RNF207: variants seen among roughly 807,000 people sequenced by gnomAD.
RNF207 encodes ring finger protein 207.
A neutral mutation model predicts 79.0 loss-of-function variants in RNF207; 72 were observed. The ratio of observed to expected loss-of-function variants is 0.91; its 90% confidence interval spans 0.75 to 1.11. The LOEUF is 1.11. Among genes scored for constraint, RNF207 ranks in the 50% least tolerant of loss-of-function variants. The pLI is 0.00. For synonymous variants in RNF207, 348 were observed against 366.2 expected (o/e 0.95, Z 0.57); for missense variants, 936 against 855.8 (o/e 1.09, Z -1.17).
Position 6,213,133 on chromosome 1 carries a change from CACGCCCT to C in RNF207, c.1606_1612del (p.Pro536SerfsTer7). On this transcript the variant is annotated frameshift_variant, in exon 16 of 18. Transcript: ENST00000377939. LOFTEE classifies it high-confidence loss of function. ...ACCTGACCACCATCACCAAGCAGATCACGCCCTACGTCCGCTCCATTGCCAAGGTGAA... is the reference window on the plus strand; with the variant it reads ...ACCTGACCACCATCACCAAGCAGATCACGTCCGCTCCATTGCCAAGGTGAA... The C allele has an allele frequency of 6.2e-7, 1 of 1,613,380 alleles. No homozygotes were observed.
intron 17 of RNF207, 149 bp from the exon 18 acceptor site, chr1:6,219,087 C>CT: frequency 1.6e-6 from 1 of 628,602 alleles, no homozygotes; most frequent in East Asian, 2.7e-5. Context: ...AGACAAGGTC[C>CT]TTTTGGAGAC....
rs1006662567 is a variant in RNF207 at position 6,207,019 on chromosome 1, T to C, written c.191+293T>C. 1.3e-5 allele frequency among the ~76,000 whole-genome samples: 2 copies of C among 150,312 alleles called. No homozygotes were observed. The highest frequency in any genetic ancestry group is 3.0e-5 in the Non-Finnish European group (2 of 67,086). ...CAGCACTGGTCAGGACGCTCCCGGT[T>C]ACTCGCTTGGGGGTCCTAGAAGTCT... On this transcript the variant is annotated intron_variant, in intron 2 of 17. Coordinates refer to ENST00000377939, the MANE Select transcript of RNF207 (RefSeq NM_207396.3). This position sits in a 1 kb window ranked among gnomAD's most constrained non-coding sequence, Gnocchi z 4.5.
At chr1:6,218,031 A>G (rs998135178) in intron 16 of RNF207, among the ~76,000 whole-genome samples, 1 of 152,102 alleles carries the variant, frequency 6.6e-6, no homozygotes, top group African/African-American at 2.4e-5. Context: ...CCTGCACCAC[A>G]CACCCTTCCC....
At position 6,206,664 on chromosome 1, in the gene RNF207, C is replaced by A; in HGVS notation, c.129C>A (p.Asp43Glu). 6.2e-7 allele frequency: 1 copy of A among 1,607,406 alleles called. No homozygotes were observed. ...CGTGTCTTCTGGACTGTTTCCACGA[C>A]TTCTGTGCCGGCTGCCTGCGTGGCC... is the stretch of plus-strand genomic sequence containing the variant. ...ERPCLLDCFH[D>E]FCAGCLRGRA... Residue 43 changes from aspartate to glutamate, a missense_variant, in exon 2 of 18, where the codon GAC becomes GAA. Coordinates refer to ENST00000377939, the MANE Select transcript of RNF207 (RefSeq NM_207396.3).
chr1:6,214,506 G>A (rs1668291185), intron 16 of RNF207, among the ~76,000 whole-genome samples: 1 of 151,388 alleles, frequency 6.6e-6, no homozygotes, highest in Non-Finnish European at 1.5e-5. Flanking sequence ...GGGTTCAACT[G>A]ATTCTCCTGC....
chr1:6,212,492 G>A (rs1257426389), intron 14 of RNF207, 76 bp downstream of exon 14: 4 of 1,432,978 alleles, frequency 2.8e-6, no homozygotes, highest in East Asian at 4.6e-5. Flanking sequence ...AGTAAGCGGG[G>A]AAAGAGGACC....
rs374102898 is a variant in RNF207 at position 6,214,402 on chromosome 1, CT to C, written c.1652+1231del. Among the ~76,000 whole-genome samples the C allele has an allele frequency of 6.4e-3, 932 of 145,452 alleles. 7 individuals are homozygous for C. The highest frequency in any genetic ancestry group is 0.02 in the African/African-American group (782 of 39,866). ...CATGGTCTTCAGTTTTGGCATATTT[CT>C]TTTTTTTTTTTCTTTTTGAGATGGA... On this transcript the variant is annotated intron_variant, in intron 16 of 17. Transcript: ENST00000377939.
chr1:6,209,555 T>TG lies in RNF207; in HGVS notation c.753+21dup, dbSNP rs1415159482. The TG allele has an allele frequency of 2.8e-6, 4 of 1,445,176 alleles. No homozygotes were observed. Among genetic ancestry groups the TG allele is most frequent in the Non-Finnish European group, 3.6e-6 (4 of 1,108,526 alleles). 89.5% of individuals were successfully genotyped at this position (1,445,176 alleles called of 1,614,324 possible). A position where few individuals can be genotyped will look rare whatever the true frequency, so the allele number is the denominator to read the frequency against. The stretch of plus-strand genomic sequence containing the variant: ...CAGCATGCAGGTGAGGGGTGGGGGT[T>TG]GGGGGATAAACGACCCAGCCGGGAC... On this transcript the variant is annotated intron_variant, in intron 7 of 17. Coordinates refer to ENST00000377939, the MANE Select transcript of RNF207 (RefSeq NM_207396.3).
chr1:6,220,811 C>T lies in RNF207; in HGVS notation c.*1404C>T, dbSNP rs908491158. ...GCTTTTTAAAAAGTAACCCACGTGA[C>T]GTAAAATTTTACAAGTTTTTGTGGC... On this transcript the variant is annotated 3_prime_UTR_variant, in exon 18 of 18. Coordinates refer to ENST00000377939, the MANE Select transcript of RNF207 (RefSeq NM_207396.3). 6.6e-6 allele frequency: 1 copy of T among 152,044 alleles called. No homozygotes were observed. Among genetic ancestry groups the T allele is most frequent in the Non-Finnish European group, 1.5e-5 (1 of 68,030 alleles). 9.4% of individuals were successfully genotyped at this position (152,044 alleles called of 1,614,324 possible).
rs886571454 is a variant in RNF207, at chr1:6,221,181, A to G, written c.*1774A>G. 1.3e-5 allele frequency: 2 copies of G among 152,620 alleles called. No individual in the cohort carries two copies. The highest frequency in any genetic ancestry group is 4.8e-5 in the African/African-American group (2 of 41,468). 9.5% of individuals were successfully genotyped at this position (152,620 alleles called of 1,614,324 possible). ...ACCTCAGAGTTTCACATCCCAGACA[A>G]TCACACTGTGGTTGAGTGAAATCAA... On this transcript the variant is annotated 3_prime_UTR_variant, in exon 18 of 18. Coordinates refer to ENST00000377939, the MANE Select transcript of RNF207 (RefSeq NM_207396.3).
chr1:6,210,390 C>T lies in RNF207; in HGVS notation c.894C>T (p.Ser298=). ...CCCAGGTCCACCTGGTCATCTGCTC[C>T]TCCTTCCTCAGCTTGGCCAACAAGG... is the stretch of plus-strand genomic sequence containing the variant. ...PTLQVHLVIC[S]SFLSLANKAE... Residue 298 remains serine (S), a synonymous_variant, in exon 10 of 18, where the codon TCC becomes TCT. Transcript: ENST00000377939. The T allele has an allele frequency of 1.9e-6, 3 of 1,613,824 alleles. No individual in the cohort carries two copies. Among genetic ancestry groups the T allele is most frequent in the South Asian group, 2.2e-5 (2 of 91,054 alleles).
At chr1:6,210,089 TA>T (rs1311717257) in intron 8 of RNF207, 119 bp downstream of exon 8, 7 of 1,300,166 alleles carry the variant, frequency 5.4e-6, no homozygotes, top group Admixed American at 1.9e-5. Context: ...TCCTCCCAGC[TA>T]AGGAGGGCAG....
In RNF207 at chr1:6,212,726, T is replaced by G; in HGVS notation, c.1527T>G (p.Ile509Met). Residue 509 changes from isoleucine (I) to methionine (M), a missense_variant, in exon 15 of 18, where the codon ATT becomes ATG. Transcript: ENST00000377939. The part of the protein sequence containing the change: ...AYQRVANEQE[I>M]YEAQLHDLLQ... Reference sequence around the variant, plus strand: ...AGCGAGTGGCTAATGAGCAGGAGATTTATGAAGGTTCCAGACAGTTGGCTG... The same window carrying G: ...AGCGAGTGGCTAATGAGCAGGAGATGTATGAAGGTTCCAGACAGTTGGCTG... 6.2e-7 allele frequency: 1 copy of G among 1,613,468 alleles called. No individual in the cohort carries two copies. Among genetic ancestry groups the G allele is most frequent in the Non-Finnish European group, 8.5e-7 (1 of 1,179,528 alleles).
chr1:6,218,179 T>A lies in RNF207; in HGVS notation c.1653-110T>A, dbSNP rs1668424429. 1.4e-5 allele frequency: 10 copies of A among 709,460 alleles called. 1 individual carries two copies. The highest frequency in any genetic ancestry group is 1.4e-4 in the South Asian group (8 of 59,146). 43.9% of individuals were successfully genotyped at this position (709,460 alleles called of 1,614,324 possible). On this transcript the variant is annotated intron_variant, in intron 16 of 17. Transcript: ENST00000377939. The stretch of plus-strand genomic sequence containing the variant: ...TTTGAGGAGCAAAAGAATGAAACGC[T>A]AGGTGGGTGCATGAGTGGTGGCAGA...
rs746483865 is a variant in RNF207, at chr1:6,212,718, CAGG to C, written c.1522_1524del (p.Glu508del). 8.1e-6 allele frequency: 13 copies of C among 1,613,610 alleles called. No homozygotes were observed. The South Asian group carries it at 8.8e-5, about 11-fold the overall frequency. ...AGCCTATCAGCGAGTGGCTAATGAG[CAGG>C]AGATTTATGAAGGTTCCAGACAGTT... On this transcript the variant is annotated inframe_deletion, in exon 15 of 18. Coordinates refer to ENST00000377939, the MANE Select transcript of RNF207 (RefSeq NM_207396.3).
Position 6,207,657 on chromosome 1 carries a change from G to A in RNF207, c.324+146G>A, listed in dbSNP as rs1667968002. 2.2e-6 allele frequency: 2 copies of A among 912,696 alleles called. No homozygotes were observed. The allele number at this position is 912,696 out of a possible 1,614,324, so 56.5% of individuals were successfully genotyped here. ...TCCCTAGGGCACCTTGGCCCCAAAT[G>A]TGAACCCCATTATACCGGTGGGGAG... is the stretch of plus-strand genomic sequence containing the variant. On this transcript the variant is annotated intron_variant, in intron 3 of 17. Coordinates refer to ENST00000377939, the MANE Select transcript of RNF207 (RefSeq NM_207396.3). The surrounding 1 kb of genome is among the most constrained non-coding windows in gnomAD (Gnocchi z 4.5).
rs1254204885 is a variant in RNF207, at chr1:6,220,239, G to C, written c.*832G>C. Reference sequence around the variant, plus strand: ...TGAAGTCTTCGTCCTTGTCACAGTAGCTTGGGATGACTCCCAGTCCACATG... The same window carrying C: ...TGAAGTCTTCGTCCTTGTCACAGTACCTTGGGATGACTCCCAGTCCACATG... On this transcript the variant is annotated 3_prime_UTR_variant, in exon 18 of 18. Coordinates refer to ENST00000377939, the MANE Select transcript of RNF207 (RefSeq NM_207396.3). 6.6e-6 allele frequency: 1 copy of C among 152,204 alleles called. No homozygotes were observed. The highest frequency in any genetic ancestry group is 1.5e-5 in the Non-Finnish European group (1 of 68,050). The allele number at this position is 152,204 out of a possible 1,614,324, so 9.4% of individuals were successfully genotyped here.
At position 6,207,486 on chromosome 1, in the gene RNF207, A is replaced by G. The variant is rs769653291; in HGVS notation, c.299A>G (p.Asn100Ser). Residue 100 changes from asparagine to serine, a missense_variant, in exon 3 of 18, where the codon AAC becomes AGC. Transcript: ENST00000377939. This position sits in a 1 kb window ranked among gnomAD's most constrained non-coding sequence, Gnocchi z 4.5. ...GGCGTGGAGGCGGTGCGCTGTGCCAACTGTGACCTGGAGTGCAGCGAGCAG... is the reference window on the plus strand; with the variant it reads ...GGCGTGGAGGCGGTGCGCTGTGCCAGCTGTGACCTGGAGTGCAGCGAGCAG... ...GDGVEAVRCA[N>S]CDLECSEQDV... 9 of 1,604,070 alleles carry G rather than the reference A, an allele frequency of 5.6e-6. No individual in the cohort carries two copies. The Admixed American group carries it at 8.4e-5, about 15-fold the overall frequency.
intron 4 of RNF207, 41 bp downstream of exon 4, chr1:6,209,066 C>CGGGGGATTGGGGGGGGGGGGGG: frequency 1.6e-6 from 1 of 644,490 alleles, no homozygotes; most frequent in Admixed American, 3.3e-5. Context: ...GGGGTGGGGG[C>CGGGGGATTGGGGGGGGGGGGGG]GGGGCGGGCA....
Sources: gnomAD v4.1 joint callset for allele counts (sites outside exome capture counted in the v4.1 genomes callset) on GRCh38, gnomAD v4.1.1 for gene constraint, Gnocchi (gnomAD v3.1) non-coding constraint, MANE v1.5 for transcripts, NCBI Gene and HGNC (gene_info 2026-07-23, HGNC 2026-07-21) for gene names.